MAPKBP1: variants seen among roughly 807,000 people sequenced by gnomAD.
MAPKBP1 encodes the protein mitogen-activated protein kinase-binding protein 1.
In MAPKBP1, 71 loss-of-function variants were observed where a neutral mutation model predicts 170.5. That is an observed-to-expected ratio of 0.42 (90% CI 0.34 to 0.51). The LOEUF (loss-of-function observed/expected upper bound fraction) is 0.51, where lower values mean the gene tolerates loss of function less well. Ranked by LOEUF, MAPKBP1 falls within the 20% of genes least tolerant of loss-of-function variation. The probability of loss-of-function intolerance (pLI) is 0.06; values close to 1 mark genes in which losing one functional copy is unlikely to be tolerated. For synonymous variants in MAPKBP1, 719 were observed against 757.9 expected (o/e 0.95, Z 0.84); for missense variants, 1,598 against 1,933.0 (o/e 0.83, Z 3.25).
At chr15:41,780,451 C>T (rs2064166856) in intron 2 of MAPKBP1, among the ~76,000 whole-genome samples, 1 of 152,208 alleles carries the variant, frequency 6.6e-6, no homozygotes, top group Admixed American at 6.5e-5. Context: ...CTAAGCTTCT[C>T]TGAGCACATG....
chr15:41,816,348 T>G, intron 12 of MAPKBP1: 1 of 554,084 alleles, frequency 1.8e-6, no homozygotes, highest in Middle Eastern at 4.5e-4. Context: ...ATTTCCTAGT[T>G]TTGATAATTG....
At position 41,799,906 on chromosome 15, in the gene MAPKBP1, C is replaced by T; in HGVS notation, c.198C>T (p.Tyr66=). 2.5e-6 allele frequency: 4 copies of T among 1,614,082 alleles called. No homozygotes were observed. The highest frequency in any genetic ancestry group is 3.4e-6 in the Non-Finnish European group (4 of 1,179,960). The stretch of plus-strand genomic sequence containing the variant: ...ACCCCCGATCAGGTTTAGTTGCTTA[C>T]CCAGCAGGGTAAGTAAGCGCCTTGG... The part of the protein sequence containing the change: ...ACDPRSGLVA[Y]PAGCVVVLFN... Residue 66 remains tyrosine, a synonymous_variant, in exon 3 of 31, where the codon TAC becomes TAT. Coordinates refer to ENST00000457542, the MANE Select transcript of MAPKBP1 (RefSeq NM_014994.3).
Position 41,812,905 on chromosome 15 carries a change from G to T in MAPKBP1, c.637-14G>T, listed in dbSNP as rs2064827351. The T allele has an allele frequency of 6.3e-7, 1 of 1,586,158 alleles. No homozygotes were observed. The highest frequency in any genetic ancestry group is 8.6e-7 in the Non-Finnish European group (1 of 1,166,260). On this transcript the variant is annotated splice_polypyrimidine_tract_variant and intron_variant, in intron 7 of 30. Coordinates refer to ENST00000457542, the MANE Select transcript of MAPKBP1 (RefSeq NM_014994.3). ...TGGGGTGGATGGGGGTGTAACAGTG[G>T]TGTGCCTCCACAGGTGAATGCCACT...
chr15:41,811,619 C>T lies in MAPKBP1; in HGVS notation c.328-338C>T, dbSNP rs147532021. The stretch of plus-strand genomic sequence containing the variant: ...CTGGGCTCAGGAGGAACGCTTCTGT[C>T]CTGGCGGCGTAGTCTTACTAGGGGC... On this transcript the variant is annotated intron_variant, in intron 5 of 30. Coordinates refer to ENST00000457542, the MANE Select transcript of MAPKBP1 (RefSeq NM_014994.3). 1.4e-3 allele frequency: 856 copies of T among 617,690 alleles called. 8 individuals carry two copies. Among genetic ancestry groups the T allele is most frequent in the Middle Eastern group, 0.012 (47 of 3,970 alleles). The allele number at this position is 617,690 out of a possible 1,614,324, so 38.3% of individuals were successfully genotyped here. A position where few individuals can be genotyped will look rare whatever the true frequency, so the allele number is the denominator to read the frequency against.
intron 2 of MAPKBP1, among the ~76,000 whole-genome samples, chr15:41,793,514 T>C (rs2064432755): frequency 6.6e-6 from 1 of 152,232 alleles, no homozygotes; most frequent in Admixed American, 6.5e-5. Flanking sequence ...TAATATGTAA[T>C]GGGTTTATTG....
chr15:41,818,301 C>T lies in MAPKBP1; in HGVS notation c.2088C>T (p.His696=). 6.2e-7 allele frequency: 1 copy of T among 1,613,378 alleles called. No individual in the cohort carries two copies. The highest frequency in any genetic ancestry group is 1.3e-5 in the African/African-American group (1 of 75,030). ...SGECVATMFG[H]SEIVTGMKFS... ...AGTGCGTGGCCACCATGTTTGGCCA[C>T]TCAGGTGAGTGTAGCCTGAATCCCC... The change falls in exon 18 of 31, where the codon CAC becomes CAT. Residue 696 remains histidine, a synonymous_variant. Coordinates refer to ENST00000457542, the MANE Select transcript of MAPKBP1 (RefSeq NM_014994.3). This position sits in a 1 kb window ranked among gnomAD's most constrained non-coding sequence, Gnocchi z 5.2.
rs767527456 is a variant in MAPKBP1 at position 41,824,568 on chromosome 15, C to T, written c.4298C>T (p.Ser1433Leu). The stretch of plus-strand genomic sequence containing the variant: ...CGCCAGGCAGTGCGGCTCTACCACT[C>T]GGTGGGTGTTAGGTGCCCCCCGGCA... Reference protein sequence around the residue: ...SVRQAVRLYHSVAGCKMPSAE... With the variant: ...SVRQAVRLYHLVAGCKMPSAE... Residue 1433 changes from serine to leucine, a missense_variant and splice_region_variant, in exon 30 of 31, where the codon TCG (serine) becomes TTG (leucine). By Grantham distance (145) the Ser-to-Leu change is moderately radical (BLOSUM62 -2). Around this residue, in one of 6 missense-constraint regions of MAPKBP1, gnomAD observed 942 missense variants for 953.2 expected, o/e 0.99. Coordinates refer to ENST00000457542, the MANE Select transcript of MAPKBP1 (RefSeq NM_014994.3). 8.8e-6 allele frequency: 14 copies of T among 1,591,582 alleles called. No individual in the cohort carries two copies. Among genetic ancestry groups the T allele is most frequent in the African/African-American group, 4.0e-5 (3 of 74,698 alleles).
chr15:41,815,304 A>G lies in MAPKBP1; in HGVS notation c.1216A>G (p.Ser406Gly). The G allele has an allele frequency of 1.9e-6, 3 of 1,613,736 alleles. No homozygotes were observed. Among genetic ancestry groups the G allele is most frequent in the South Asian group, 2.2e-5 (2 of 91,044 alleles). The change falls in exon 11 of 31, where the codon AGT becomes GGT. Residue 406 changes from serine (S) to glycine (G), a missense_variant. Around this residue, in one of 6 missense-constraint regions of MAPKBP1, gnomAD observed 430 missense variants for 617.2 expected, o/e 0.70. Coordinates refer to ENST00000457542, the MANE Select transcript of MAPKBP1 (RefSeq NM_014994.3). ...TAGTAACCAGGCCTGCCTGCCCCCCAGTTCCTTTATTACCTGCTCCTCAGA... is the reference window on the plus strand; with the variant it reads ...TAGTAACCAGGCCTGCCTGCCCCCCGGTTCCTTTATTACCTGCTCCTCAGA... ...KDSNQACLPP[S>G]SFITCSSDNT...
intron 1 of MAPKBP1, 196 bp from the exon 2 acceptor site, chr15:41,774,971 C>T (rs1294428680): frequency 1.2e-5 from 6 of 483,004 alleles, no homozygotes; most frequent in Admixed American, 7.5e-5. Context: ...CGGGCGTGGG[C>T]CTGGCATTTC....
intron 7 of MAPKBP1, 128 bp from the exon 8 acceptor site, chr15:41,812,789 CTG>C (rs1567148718): frequency 1.4e-6 from 2 of 1,437,150 alleles, no homozygotes; most frequent in African/African-American, 2.9e-5. Flanking sequence ...GAGCCAGATG[CTG>C]TCTGGGCTGA....
At chr15:41,822,863 T>A in intron 27 of MAPKBP1, 76 bp from the exon 28 acceptor site, 2 of 1,527,590 alleles carry the variant, frequency 1.3e-6, no homozygotes, top group Non-Finnish European at 1.8e-6. Flanking sequence ...GCCCTGGTGC[T>A]ATGAGTTTCT....
At chr15:41,775,642 A>G (rs534824160) in intron 2 of MAPKBP1, among the ~76,000 whole-genome samples, 33 of 152,366 alleles carry the variant, frequency 2.2e-4, no homozygotes, top group African/African-American at 7.7e-4. Flanking sequence ...TGGCCTCACT[A>G]TACACTAAGC....
At position 41,817,710 on chromosome 15, in the gene MAPKBP1, A is replaced by C; in HGVS notation, c.1879A>C (p.Ile627Leu). 1 of 1,614,078 alleles carries C rather than the reference A, an allele frequency of 6.2e-7. No individual in the cohort carries two copies. Among genetic ancestry groups the C allele is most frequent in the East Asian group, 2.2e-5 (1 of 44,874 alleles). Residue 627 changes from isoleucine (I) to leucine (L), a missense_variant, in exon 16 of 31, where the codon ATC becomes CTC. By Grantham distance (5) the Ile-to-Leu change is conservative (BLOSUM62 2). Transcript: ENST00000457542. The surrounding 1 kb of genome is among the most constrained non-coding windows in gnomAD (Gnocchi z 4.2). ...DVEPSWKYTA[I>L]GCQDRNIRIF... ...GGAGCCCAGCTGGAAGTACACGGCT[A>C]TCGGCTGCCAGGACCGAAATATTCG...
chr15:41,822,563 C>A (rs1188842047), intron 26 of MAPKBP1, 30 bp from the exon 27 acceptor site: 2 of 1,612,298 alleles, frequency 1.2e-6, no homozygotes, highest in African/African-American at 1.3e-5. Flanking sequence ...TGGTTTTTGC[C>A]CCAATTCATG....
At chr15:41,776,355 C>T (rs2064097896) in intron 2 of MAPKBP1, among the ~76,000 whole-genome samples, 1 of 152,194 alleles carries the variant, frequency 6.6e-6, no homozygotes, top group African/African-American at 2.4e-5. Flanking sequence ...TAGAATGCCA[C>T]TGTACAAATG....
intron 2 of MAPKBP1, among the ~76,000 whole-genome samples, chr15:41,780,654 C>G (rs1295207776): frequency 6.6e-6 from 1 of 152,078 alleles, no homozygotes; most frequent in Non-Finnish European, 1.5e-5. Context: ...TTTCTGGCAG[C>G]TTCCTTTTCA....
rs968482127 is a variant in MAPKBP1 at position 41,817,853 on chromosome 15, T to C, written c.1904+118T>C. The stretch of plus-strand genomic sequence containing the variant: ...ACAGGACTTTGTACCCCCTTGAGCC[T>C]ACAGTACTTTGCTTCACCCAAGAGG... On this transcript the variant is annotated intron_variant, in intron 16 of 30. Transcript: ENST00000457542. The surrounding 1 kb of genome is among the most constrained non-coding windows in gnomAD (Gnocchi z 4.2). The C allele has an allele frequency of 3.2e-6, 5 of 1,561,132 alleles. No individual in the cohort carries two copies. In the African/African-American group the frequency reaches 6.8e-5, roughly 21 times the overall value.
intron 3 of MAPKBP1, among the ~76,000 whole-genome samples, chr15:41,803,434 A>AAAAAAAAAAAAG (rs58804270): frequency 0.011 from 974 of 90,710 alleles, 266 homozygotes; most frequent in African/African-American, 0.029. Flanking sequence ...AAAAAAAAAA[A>AAAAAAAAAAAAG]AGGTTAAGCA....
At position 41,811,949 on chromosome 15, in the gene MAPKBP1, C is replaced by T; in HGVS notation, c.328-8C>T. On this transcript the variant is annotated splice_polypyrimidine_tract_variant and splice_region_variant and intron_variant, in intron 5 of 30. Transcript: ENST00000457542. ...AAGAACTCACTTCCAGTTCTTGCCT[C>T]CCTGCAGAGTGGGCACATGCCTGCC... is the stretch of plus-strand genomic sequence containing the variant. 1 of 1,613,990 alleles carries T rather than the reference C, an allele frequency of 6.2e-7. No individual in the cohort carries two copies. The highest frequency in any genetic ancestry group is 1.1e-5 in the South Asian group (1 of 91,064).
Sources: gnomAD v4.1 joint callset for allele counts (sites outside exome capture counted in the v4.1 genomes callset) on GRCh38, gnomAD v4.1.1 for gene constraint, gnomAD v4.1.1 regional missense constraint, Gnocchi (gnomAD v3.1) non-coding constraint, MANE v1.5 for transcripts, NCBI Gene and HGNC (gene_info 2026-07-23, HGNC 2026-07-21) for gene names.